The following OPA3 variants were observed in gnomAD, a reference collection of about 807,000 sequenced individuals.
OPA3 encodes outer mitochondrial membrane lipid metabolism regulator OPA3, also known as optic atrophy 3 protein.
Under a neutral mutation model 4.0 loss-of-function variants are expected in OPA3, and 6 were observed. The observed-to-expected ratio is 1.51, with a 90% CI of 0.83 to 2.99. The LOEUF is 2.99. Among genes scored for constraint, OPA3 ranks in the 30% most tolerant of loss-of-function variants. The pLI is 0.00. For missense variants in OPA3, 235 were observed against 256.2 expected (o/e 0.92, Z 0.56); for synonymous variants, 105 against 117.1 (o/e 0.90, Z 0.67).
chr19:45,562,326 A>C (rs1969514388), intron 1 of OPA3, among the ~76,000 whole-genome samples: 1 of 128,936 alleles, frequency 7.8e-6, no homozygotes. Flanking sequence ...CTTGGGTGAT[A>C]CAGTGAGACT....
chr19:45,571,106 T>G (rs936968199), intron 1 of OPA3, among the ~76,000 whole-genome samples: 4 of 151,950 alleles, frequency 2.6e-5, no homozygotes, highest in Non-Finnish European at 4.4e-5. Context: ...GCGCTATACA[T>G]GACTGCTAAA....
chr19:45,557,813 C>A (rs992280700), intron 1 of OPA3, among the ~76,000 whole-genome samples: 1 of 152,184 alleles, frequency 6.6e-6, no homozygotes, highest in Non-Finnish European at 1.5e-5. Flanking sequence ...CAATCAGTCT[C>A]CCCACTGTCC....
downstream of OPA3, among the ~76,000 whole-genome samples, chr19:45,541,607 CAGGCTGGAGTGCAGTGGTGCA>C (rs1401623882): frequency 2.0e-5 from 3 of 152,064 alleles, no homozygotes; most frequent in Admixed American, 1.3e-4. Flanking sequence ...GTCTGTTAGC[CAGGCTGGAGTGCAGTGGTGCA>C]ATGATGGCTC....
intron 1 of OPA3, among the ~76,000 whole-genome samples, chr19:45,580,431 T>C (rs1173712493): frequency 7.6e-5 from 11 of 144,046 alleles, no homozygotes; most frequent in Non-Finnish European, 1.4e-4. Context: ...GTAGCTGGGA[T>C]TACAGGCATG....
chr19:45,547,032 C>CGCAGTGGG lies in OPA3; in HGVS notation c.*6474_*6481dup, dbSNP rs1969259131. On this transcript the variant is annotated 3_prime_UTR_variant, in exon 2 of 2. Transcript: ENST00000263275. ...TGAGGTGGAGGTTCTGAGATCTGCG[C>CGCAGTGGG]GCAGTGGGGGTTACTGCTGAGCACT... is the stretch of plus-strand genomic sequence containing the variant. 1 of 152,098 alleles carries CGCAGTGGG rather than the reference C, an allele frequency of 6.6e-6. No homozygotes were observed. The highest frequency in any genetic ancestry group is 2.4e-5 in the African/African-American group (1 of 41,362). 9.4% of individuals were successfully genotyped at this position (152,098 alleles called of 1,614,324 possible). A position where few individuals can be genotyped will look rare whatever the true frequency, so the allele number is the denominator to read the frequency against.
downstream of OPA3, among the ~76,000 whole-genome samples, chr19:45,545,174 AAAAAC>A (rs1969233045): frequency 6.7e-6 from 1 of 148,798 alleles, no homozygotes; most frequent in African/African-American, 2.5e-5. Flanking sequence ...CAAAAAAAAA[AAAAAC>A]AAAAAAACAA....
chr19:45,574,681 A>G (rs1217113735), intron 1 of OPA3, among the ~76,000 whole-genome samples: 1 of 152,200 alleles, frequency 6.6e-6, no homozygotes, highest in Non-Finnish European at 1.5e-5. Context: ...CTGTGCCATC[A>G]GGGACCCCTT....
In OPA3 at chr19:45,554,792, TTTG is replaced by T. The variant is rs1487197458; in HGVS notation, c.143-884_143-882del. Among the ~76,000 whole-genome samples the T allele has an allele frequency of 3.3e-5, 5 of 152,292 alleles. No individual in the cohort carries two copies. The East Asian group carries it at 5.8e-4, about 18-fold the overall frequency. ...ATGAAAATGTATAAAAGATGAACTT[TTTG>T]TTGTTGTTGTTTTAGAGACGGAGTC... On this transcript the variant is annotated intron_variant, in intron 1 of 1. Coordinates refer to ENST00000263275, the MANE Select transcript of OPA3 (RefSeq NM_025136.4).
chr19:45,552,423 G>C lies in OPA3; in HGVS notation c.*1091C>G, dbSNP rs557691359. On this transcript the variant is annotated 3_prime_UTR_variant, in exon 2 of 2. Transcript: ENST00000263275. ...GGGTTTCATCATATTGGTCAGGCTG[G>C]TCTCGAGCTCCCGATCTCCCGACCT... The C allele has an allele frequency of 1.9e-4, 30 of 155,666 alleles. No individual in the cohort carries two copies. The highest frequency in any genetic ancestry group is 3.8e-4 in the Non-Finnish European group (27 of 71,774). The allele number at this position is 155,666 out of a possible 1,614,324, so 9.6% of individuals were successfully genotyped here.
chr19:45,573,665 G>A (rs1969722058), intron 1 of OPA3, among the ~76,000 whole-genome samples: 1 of 152,092 alleles, frequency 6.6e-6, no homozygotes, highest in Non-Finnish European at 1.5e-5. Flanking sequence ...CTGGTTCGAG[G>A]CCGCGCTGCA....
intron 1 of OPA3, among the ~76,000 whole-genome samples, chr19:45,564,549 C>T (rs1468621356): frequency 6.6e-6 from 1 of 152,258 alleles, no homozygotes; most frequent in South Asian, 2.1e-4. Context: ...TCAGCCTTGG[C>T]CTTGAACTCC....
downstream of OPA3, among the ~76,000 whole-genome samples, chr19:45,545,756 A>G (rs1263419321): frequency 7.8e-6 from 1 of 128,630 alleles, no homozygotes; most frequent in Non-Finnish European, 1.6e-5. Context: ...TCTGTTGCCC[A>G]GGCTGGAGTG....
At chr19:45,580,664 G>A (rs758076748) in intron 1 of OPA3, among the ~76,000 whole-genome samples, 14 of 150,066 alleles carry the variant, frequency 9.3e-5, no homozygotes, top group Non-Finnish European at 1.8e-4. Flanking sequence ...TGTCGCCCAA[G>A]CTGGAGTGCA....
chr19:45,559,628 C>T (rs1969475662), intron 1 of OPA3, among the ~76,000 whole-genome samples: 1 of 151,900 alleles, frequency 6.6e-6, no homozygotes, highest in South Asian at 2.1e-4. Context: ...GTCTCGAACT[C>T]CTGACCTCAC....
intron 1 of OPA3, among the ~76,000 whole-genome samples, chr19:45,531,959 A>G (rs1969065567): frequency 6.6e-6 from 1 of 152,064 alleles, no homozygotes; most frequent in African/African-American, 2.4e-5. Context: ...TACTCCTGGG[A>G]GGTAATTTTT....
At position 45,554,143 on chromosome 19, in the gene OPA3, T is replaced by C. The variant is rs894659457; in HGVS notation, c.143-232A>G. On this transcript the variant is annotated intron_variant, in intron 1 of 1. Coordinates refer to ENST00000263275, the MANE Select transcript of OPA3 (RefSeq NM_025136.4). ...AGGAGCTTCCACAGCGCCAAGTTCATGGACGGTGTAAAGGTCCAGTTGCCA... is the reference window on the plus strand; with the variant it reads ...AGGAGCTTCCACAGCGCCAAGTTCACGGACGGTGTAAAGGTCCAGTTGCCA... 1.9e-4 allele frequency among the ~76,000 whole-genome samples: 29 copies of C among 152,354 alleles called. No individual in the cohort carries two copies. In the East Asian group the frequency reaches 5.6e-3, roughly 29 times the overall value.
intron 1 of OPA3, among the ~76,000 whole-genome samples, chr19:45,577,219 T>C (rs1209875824): frequency 3.9e-5 from 6 of 152,238 alleles, no homozygotes; most frequent in Non-Finnish European, 1.5e-5. Flanking sequence ...TGTACTGTTC[T>C]TTCCTCAGGC....
At chr19:45,560,549 G>A (rs966356761) in intron 1 of OPA3, among the ~76,000 whole-genome samples, 26 of 152,080 alleles carry the variant, frequency 1.7e-4, no homozygotes, top group Non-Finnish European at 7.4e-5. Context: ...GTCCCCTCGA[G>A]AATGTGGCAC....
At chr19:45,580,897 T>C (rs1180524893) in intron 1 of OPA3, among the ~76,000 whole-genome samples, 1 of 151,968 alleles carries the variant, frequency 6.6e-6, no homozygotes, top group Admixed American at 6.6e-5. Context: ...ATTACAGGCA[T>C]GAGCCACTGC....
Sources: allele counts gnomAD v4.1 joint callset (sites outside exome capture counted in the v4.1 genomes callset), GRCh38; gene constraint gnomAD v4.1.1; transcripts MANE v1.5; gene names NCBI Gene and HGNC (gene_info 2026-07-23, HGNC 2026-07-21).